ZNRF1: variants seen among roughly 807,000 people sequenced by gnomAD.
ZNRF1 encodes the protein zinc and ring finger 1.
ZNRF1 carries 3 observed loss-of-function variants against 18.4 expected under a neutral mutation model. The ratio of observed to expected loss-of-function variants is 0.16; its 90% CI spans 0.07 to 0.42. The LOEUF (loss-of-function observed/expected upper bound fraction) is 0.42. Ranked by LOEUF, ZNRF1 falls within the 10% of genes least tolerant of loss-of-function variation. The probability of loss-of-function intolerance (pLI) is 0.99; values close to 1 mark genes in which losing one functional copy is unlikely to be tolerated. For synonymous variants in ZNRF1, 157 were observed against 144.2 expected (o/e 1.09, Z -0.64); for missense variants, 310 against 329.8 (o/e 0.94, Z 0.47).
chr16:75,044,551 G>T (rs1283815746), intron 1 of ZNRF1, among the ~76,000 whole-genome samples: 1 of 151,120 alleles, frequency 6.6e-6, no homozygotes, highest in African/African-American at 2.4e-5. Flanking sequence ...TTTAAATAGA[G>T]ATGGGGGTCT....
At chr16:75,045,777 A>G (rs2035507390) in intron 1 of ZNRF1, among the ~76,000 whole-genome samples, 1 of 147,826 alleles carries the variant, frequency 6.8e-6, no homozygotes. Flanking sequence ...GTGCAGTGGC[A>G]TGATCATGGC....
chr16:75,057,871 C>G (rs1341034547), intron 1 of ZNRF1, among the ~76,000 whole-genome samples: 2 of 152,138 alleles, frequency 1.3e-5, no homozygotes, highest in Non-Finnish European at 2.9e-5. Flanking sequence ...GAACTCTTGA[C>G]CTTAGGTGAT....
chr16:75,080,082 A>G (rs2035991064), intron 1 of ZNRF1, among the ~76,000 whole-genome samples: 1 of 152,100 alleles, frequency 6.6e-6, no homozygotes, highest in South Asian at 2.1e-4. Flanking sequence ...TGCCTGGCTA[A>G]TTTTTGTATA....
intron 2 of ZNRF1, among the ~76,000 whole-genome samples, chr16:75,099,234 T>C (rs1201788360): frequency 6.6e-6 from 1 of 152,150 alleles, no homozygotes; most frequent in African/African-American, 2.4e-5. Context: ...TTAGGAGTCA[T>C]GGTGTGTGTG....
At chr16:75,070,149 A>C (rs1267888265) in intron 1 of ZNRF1, among the ~76,000 whole-genome samples, 2 of 152,208 alleles carry the variant, frequency 1.3e-5, no homozygotes, top group African/African-American at 4.8e-5. Context: ...CGGGTTGACC[A>C]GATGTCCCTT....
chr16:75,093,713 G>T (rs879205869), intron 2 of ZNRF1, 46 bp downstream of exon 2: 1 of 1,522,500 alleles, frequency 6.6e-7, no homozygotes, highest in Non-Finnish European at 9.1e-7. Context: ...ATCCGTCGGG[G>T]GAGCCGGCCA....
At chr16:75,056,878 C>G (rs868653597) in intron 1 of ZNRF1, among the ~76,000 whole-genome samples, 15 of 152,236 alleles carry the variant, frequency 9.9e-5, no homozygotes, top group Middle Eastern at 3.4e-3. Context: ...CTCATGTGAT[C>G]CACCCGCCTT....
intron 1 of ZNRF1, among the ~76,000 whole-genome samples, chr16:75,073,860 G>A (rs966316689): frequency 5.3e-5 from 8 of 151,968 alleles, no homozygotes; most frequent in African/African-American, 7.3e-5. Flanking sequence ...TAGGGTTGCC[G>A]GATCATAGAC....
At chr16:75,030,478 T>A (rs1028736880) in intron 1 of ZNRF1, among the ~76,000 whole-genome samples, 3 of 151,954 alleles carry the variant, frequency 2.0e-5, no homozygotes, top group African/African-American at 7.2e-5. Context: ...AAAAAAACTA[T>A]AAAACTCTTA....
intron 1 of ZNRF1, among the ~76,000 whole-genome samples, chr16:75,016,175 G>C (rs146336475): frequency 0.042 from 6,342 of 152,002 alleles, 447 homozygotes; most frequent in African/African-American, 0.14. Flanking sequence ...CCACCGCCTC[G>C]GTCTCCCAAA....
chr16:75,005,647 A>G lies in ZNRF1; in HGVS notation c.424+5552A>G, dbSNP rs990413756. Reference sequence around the variant, plus strand: ...GTGGATAGTACCTCACCTGAACCCTATATCTACTATGTCTTTTCCTGTATA... The same window carrying G: ...GTGGATAGTACCTCACCTGAACCCTGTATCTACTATGTCTTTTCCTGTATA... On this transcript the variant is annotated intron_variant, in intron 1 of 4. Coordinates refer to ENST00000335325, the MANE Select transcript of ZNRF1 (RefSeq NM_032268.5). Among the ~76,000 whole-genome samples the G allele has an allele frequency of 5.8e-4, 88 of 152,220 alleles. 1 individual carries two copies. Among genetic ancestry groups the G allele is most frequent in the South Asian group, 2.1e-4 (1 of 4,834 alleles).
At chr16:75,058,671 A>G (rs2035699506) in intron 1 of ZNRF1, among the ~76,000 whole-genome samples, 1 of 152,170 alleles carries the variant, frequency 6.6e-6, no homozygotes, top group African/African-American at 2.4e-5. Context: ...GCTGCTTTGG[A>G]AAAGGGATTT....
intron 1 of ZNRF1, among the ~76,000 whole-genome samples, chr16:75,060,397 C>G (rs1341593420): frequency 6.6e-6 from 1 of 150,702 alleles, no homozygotes; most frequent in African/African-American, 2.4e-5. Flanking sequence ...GTGGCAGGAG[C>G]AGGGAAATAT....
chr16:75,031,242 C>T (rs983306241), intron 1 of ZNRF1, among the ~76,000 whole-genome samples: 1 of 151,932 alleles, frequency 6.6e-6, no homozygotes, highest in Non-Finnish European at 1.5e-5. Context: ...AGTCATTCTC[C>T]TGCCTCAGCC....
At position 75,097,720 on chromosome 16, in the gene ZNRF1, G is replaced by A. The variant is rs1003316332; in HGVS notation, c.520+4053G>A. On this transcript the variant is annotated intron_variant, in intron 2 of 4. Transcript: ENST00000335325. ...TAGTTCCAACTTCTCAGGAGGCTGA[G>A]GTGAGAGGATCACTTGAGCCCAGGA... 6.6e-5 allele frequency among the ~76,000 whole-genome samples: 10 copies of A among 152,316 alleles called. 1 individual carries two copies. The highest frequency in any genetic ancestry group is 5.9e-4 in the Admixed American group (9 of 15,304).
chr16:74,999,824 C>G lies in ZNRF1; in HGVS notation c.153C>G (p.Val51=). The G allele has an allele frequency of 6.9e-7, 1 of 1,453,966 alleles. No individual in the cohort carries two copies. The highest frequency in any genetic ancestry group is 1.4e-5 in the African/African-American group (1 of 69,572). 90.1% of individuals were successfully genotyped at this position (1,453,966 alleles called of 1,614,324 possible). The part of the protein sequence containing the change: ...GGAMGLRSRS[V]SSVAGMGMDP... ...CCATGGGGCTGCGCAGCCGCTCGGT[C>G]AGCTCGGTGGCAGGCATGGGCATGG... The change falls in exon 1 of 5, where the codon GTC becomes GTG. Residue 51 remains valine, a synonymous_variant. Coordinates refer to ENST00000335325, the MANE Select transcript of ZNRF1 (RefSeq NM_032268.5).
intron 1 of ZNRF1, among the ~76,000 whole-genome samples, chr16:75,071,353 G>T (rs1305927672): frequency 6.6e-6 from 1 of 152,054 alleles, no homozygotes; most frequent in African/African-American, 2.4e-5. Context: ...GCCCACCTTG[G>T]CCTCCCAATT....
At chr16:75,102,658 C>G (rs1567496375) in intron 2 of ZNRF1, among the ~76,000 whole-genome samples, 1 of 152,194 alleles carries the variant, frequency 6.6e-6, no homozygotes, top group Non-Finnish European at 1.5e-5. Context: ...TCTGAACTTT[C>G]TCCCTGGACT....
intron 1 of ZNRF1, among the ~76,000 whole-genome samples, chr16:75,073,312 CCTTT>C (rs2035897189): frequency 6.7e-6 from 1 of 150,218 alleles, no homozygotes; most frequent in Non-Finnish European, 1.5e-5. Flanking sequence ...TGTTGTTTTT[CCTTT>C]CTTTTTAGAC....
Sources: allele counts gnomAD v4.1 joint callset (sites outside exome capture counted in the v4.1 genomes callset), GRCh38; gene constraint gnomAD v4.1.1; transcripts MANE v1.5; gene names NCBI Gene and HGNC (gene_info 2026-07-23, HGNC 2026-07-21).